The following TMEM272 variants were observed in gnomAD, a reference collection of about 807,000 sequenced individuals.
The protein encoded by TMEM272 is long intergenic non-protein coding RNA 282.
TMEM272 carries 8 observed loss-of-function variants against 3.7 expected under a neutral mutation model. The ratio of observed to expected loss-of-function variants is 2.17; its 90% CI spans 1.27 to 3.91. TMEM272 has a LOEUF of 3.91. TMEM272 is among the 30% of genes most tolerant of loss of function. The pLI is 0.00. For synonymous variants in TMEM272, 63 were observed against 39.8 expected, an observed-to-expected ratio of 1.58 and a Z score of -2.20; for missense variants, 166 against 91.5, an observed-to-expected ratio of 1.81 and a Z score of -3.32.
At chr13:51,882,539 A>C in the TMEM272 span, among the ~76,000 whole-genome samples, 1 of 152,256 alleles carries the variant, frequency 6.6e-6, no homozygotes. Context: ...TACTTCTTCA[A>C]ATGAACCAAC....
chr13:51,860,787 TATAG>T, the TMEM272 span, among the ~76,000 whole-genome samples: 1 of 148,414 alleles, frequency 6.7e-6, no homozygotes, highest in African/African-American at 2.5e-5. Context: ...TATACTTTTA[TATAG>T]ATATATAGAA....
chr13:51,839,957 A>G (rs911526794), intron 1 of TMEM272, among the ~76,000 whole-genome samples: 77 of 152,310 alleles, frequency 5.1e-4, no homozygotes, highest in Non-Finnish European at 1.0e-3. Context: ...TTATGGCAGG[A>G]AGCAGTGTGA....
chr13:51,859,955 C>G, the TMEM272 span, among the ~76,000 whole-genome samples: 1 of 151,740 alleles, frequency 6.6e-6, no homozygotes, highest in Non-Finnish European at 1.5e-5. Context: ...TGCAGTGGCA[C>G]GATCATAGCT....
upstream of TMEM272, among the ~76,000 whole-genome samples, chr13:51,846,367 A>C (rs1956305615): frequency 6.6e-6 from 1 of 152,234 alleles, no homozygotes; most frequent in Non-Finnish European, 1.5e-5. Context: ...TAGCAGTCAT[A>C]ATGTTGTAGT....
the TMEM272 span, among the ~76,000 whole-genome samples, chr13:51,915,795 C>T: frequency 5.3e-5 from 8 of 152,256 alleles, no homozygotes; most frequent in South Asian, 6.2e-4. Context: ...GACACGTGGC[C>T]GGGTGCGGTG....
At chr13:51,909,649 A>G in the TMEM272 span, 1 of 1,511,286 alleles carries the variant, frequency 6.6e-7, no homozygotes, top group Non-Finnish European at 9.2e-7. Context: ...GTTGTTAAAG[A>G]AGCATTTAAC....
At chr13:51,854,656 AT>A in the TMEM272 span, among the ~76,000 whole-genome samples, 1 of 152,318 alleles carries the variant, frequency 6.6e-6, no homozygotes, top group Admixed American at 6.5e-5. Context: ...AGTTTCTGAA[AT>A]TCTCTATGCA....
intron 2 of TMEM272, among the ~76,000 whole-genome samples, chr13:51,834,711 G>T (rs1438887571): frequency 1.3e-5 from 2 of 152,170 alleles, no homozygotes; most frequent in East Asian, 1.9e-4. Context: ...CATGGACTTT[G>T]CTGGGCCCTT....
the TMEM272 span, chr13:51,865,317 C>A: frequency 1.4e-6 from 2 of 1,391,070 alleles, no homozygotes; most frequent in African/African-American, 1.4e-5. Flanking sequence ...TCTGTCTTTT[C>A]TGCTGCCCCC....
At chr13:51,874,786 G>A in the TMEM272 span, among the ~76,000 whole-genome samples, 2 of 152,172 alleles carry the variant, frequency 1.3e-5, no homozygotes, top group African/African-American at 4.8e-5. Context: ...TGCCCACTGC[G>A]AACTCCTCCA....
At chr13:51,878,123 C>T in the TMEM272 span, among the ~76,000 whole-genome samples, 14 of 152,216 alleles carry the variant, frequency 9.2e-5, 1 homozygote, top group East Asian at 2.3e-3. Context: ...GTGGGGGAAA[C>T]GCCCCTTATA....
chr13:51,821,669 A>C (rs1242793174), intron 4 of TMEM272, among the ~76,000 whole-genome samples: 1 of 22,546 alleles, frequency 4.4e-5, no homozygotes, highest in Admixed American at 5.6e-4. Context: ...TTTTTTCCTC[A>C]AAAAAAAAAA....
the TMEM272 span, among the ~76,000 whole-genome samples, chr13:51,914,372 A>G: frequency 2.6e-3 from 392 of 152,376 alleles, 2 homozygotes; most frequent in African/African-American, 8.9e-3. Context: ...GGAGAAAGCC[A>G]GGCAAGTAGA....
chr13:51,900,406 A>G, the TMEM272 span, among the ~76,000 whole-genome samples: 2 of 152,246 alleles, frequency 1.3e-5, no homozygotes, highest in East Asian at 1.9e-4. Flanking sequence ...AAGGAAATAC[A>G]AATCAAAACC....
chr13:51,887,728 T>C, the TMEM272 span, among the ~76,000 whole-genome samples: 2 of 152,242 alleles, frequency 1.3e-5, no homozygotes, highest in Admixed American at 1.3e-4. Flanking sequence ...GTGAGCCTTC[T>C]GGCACAGTAA....
At chr13:51,877,979 A>G in the TMEM272 span, among the ~76,000 whole-genome samples, 2 of 152,246 alleles carry the variant, frequency 1.3e-5, no homozygotes, top group Non-Finnish European at 2.9e-5. Context: ...GTGAGACTGG[A>G]TAATTTATAA....
At chr13:51,822,654 C>T (rs527401414) in intron 3 of TMEM272, among the ~76,000 whole-genome samples, 4 of 152,318 alleles carry the variant, frequency 2.6e-5, no homozygotes, top group Non-Finnish European at 5.9e-5. Context: ...AGCCCTCTGC[C>T]GTGTTAGTCA....
At chr13:51,902,354 A>G in the TMEM272 span, among the ~76,000 whole-genome samples, 1 of 152,226 alleles carries the variant, frequency 6.6e-6, no homozygotes, top group Non-Finnish European at 1.5e-5. Flanking sequence ...AGCTTTGGGA[A>G]TTATTAGCTG....
chr13:51,923,611 C>T, the TMEM272 span, among the ~76,000 whole-genome samples: 1 of 151,394 alleles, frequency 6.6e-6, no homozygotes, highest in Admixed American at 6.6e-5. Context: ...TCCAAAGCTG[C>T]CTGTTCAAAG....
Sources: allele counts gnomAD v4.1 joint callset (sites outside exome capture counted in the v4.1 genomes callset), GRCh38; gene constraint gnomAD v4.1.1; transcripts MANE v1.5; gene names NCBI Gene and HGNC (gene_info 2026-07-23, HGNC 2026-07-21).